TREML4: variants seen among roughly 807,000 people sequenced by gnomAD.
The protein encoded by TREML4 is trem-like transcript 4 protein.
Under a neutral mutation model 25.4 loss-of-function variants are expected in TREML4, and 25 were observed. The observed-to-expected ratio is 0.98, with a 90% CI of 0.72 to 1.37. The LOEUF (loss-of-function observed/expected upper bound fraction) is 1.37, where lower values mean the gene tolerates loss of function less well. Ranked by LOEUF, TREML4 falls within the 40% of genes most tolerant of loss-of-function variation. TREML4 has a pLI of 0.00. For synonymous variants in TREML4, 92 were observed against 87.9 expected (o/e 1.05, Z -0.26); for missense variants, 268 against 236.5 (o/e 1.13, Z -0.87).
chr6:41,231,028 A>G, intron 4 of TREML4: 1 of 366,708 alleles, frequency 2.7e-6, no homozygotes, highest in Non-Finnish European at 5.6e-6. Context: ...CACGCTCCTT[A>G]TGATAATTGA....
intron 4 of TREML4, among the ~76,000 whole-genome samples, chr6:41,235,930 A>G (rs1236228170): frequency 1.3e-5 from 2 of 152,168 alleles, no homozygotes; most frequent in Admixed American, 1.3e-4. Flanking sequence ...CACAAGAGAA[A>G]AGCAGATTTG....
chr6:41,231,028 A>T, intron 4 of TREML4: 1 of 366,708 alleles, frequency 2.7e-6, no homozygotes, highest in South Asian at 2.1e-5. Context: ...CACGCTCCTT[A>T]TGATAATTGA....
intron 4 of TREML4, among the ~76,000 whole-genome samples, chr6:41,232,983 A>T (rs7450812): frequency 0.84 from 128,387 of 152,116 alleles, 54,923 homozygotes; most frequent in East Asian, 0.95. Flanking sequence ...CTAGACAATA[A>T]CAACATGGGG....
intron 4 of TREML4, among the ~76,000 whole-genome samples, chr6:41,230,474 T>C (rs1173175937): frequency 6.6e-6 from 1 of 152,138 alleles, no homozygotes; most frequent in Non-Finnish European, 1.5e-5. Flanking sequence ...TGGCTGGAGA[T>C]GTCAGCCAGA....
At chr6:41,234,448 G>A (rs1210057520) in intron 4 of TREML4, among the ~76,000 whole-genome samples, 2 of 151,798 alleles carry the variant, frequency 1.3e-5, no homozygotes, top group African/African-American at 4.8e-5. Context: ...GATTGAAAAA[G>A]GAGATCAAAG....
At chr6:41,236,373 G>A in intron 4 of TREML4, 113 bp from the exon 5 acceptor site, 3 of 794,210 alleles carry the variant, frequency 3.8e-6, no homozygotes, top group South Asian at 1.6e-5. Context: ...CGTTCAGGGT[G>A]GGCCCTTACG....
chr6:41,234,366 T>TCAAAA (rs1766860366), intron 4 of TREML4, among the ~76,000 whole-genome samples: 1 of 151,954 alleles, frequency 6.6e-6, no homozygotes, highest in Non-Finnish European at 1.5e-5. Context: ...TTCAAATTAA[T>TCAAAA]GAGCTAAGGA....
At chr6:41,236,459 A>T in intron 4 of TREML4, 27 bp from the exon 5 acceptor site, 3 of 1,606,418 alleles carry the variant, frequency 1.9e-6, no homozygotes, top group Non-Finnish European at 2.6e-6. Flanking sequence ...GCCCAAGTCC[A>T]TCCTCCTTTC....
chr6:41,229,164 C>T, intron 2 of TREML4, 120 bp downstream of exon 2: 2 of 864,668 alleles, frequency 2.3e-6, no homozygotes, highest in East Asian at 2.6e-5. Context: ...TGCTGTGGTC[C>T]AAGGGGAGCA....
At chr6:41,229,462 T>C in intron 2 of TREML4, 59 bp from the exon 3 acceptor site, 1 of 1,587,906 alleles carries the variant, frequency 6.3e-7, no homozygotes, top group Non-Finnish European at 8.6e-7. Context: ...ATGTATGGGG[T>C]AGACCCTACT....
chr6:41,230,253 G>A (rs7774170), intron 4 of TREML4, 131 bp downstream of exon 4: 523,681 of 694,290 alleles, frequency 0.75, 200,886 homozygotes, highest in East Asian at 0.87. Flanking sequence ...GGTTACAGCC[G>A]TGGAGCCCCC....
chr6:41,235,723 C>T (rs1341876853), intron 4 of TREML4, among the ~76,000 whole-genome samples: 8 of 151,992 alleles, frequency 5.3e-5, no homozygotes, highest in Admixed American at 5.2e-4. Flanking sequence ...TCAATTTCTC[C>T]CAAATTAAAA....
Position 41,229,098 on chromosome 6 carries a change from G to A in TREML4, c.394+54G>A, listed in dbSNP as rs1407354542. 29 of 1,469,280 alleles carry A rather than the reference G, an allele frequency of 2.0e-5. No homozygotes were observed. In the East Asian group the frequency reaches 5.0e-4, roughly 25 times the overall value. 91.0% of individuals were successfully genotyped at this position (1,469,280 alleles called of 1,614,324 possible). On this transcript the variant is annotated intron_variant, in intron 2 of 5. Coordinates refer to ENST00000341495, the MANE Select transcript of TREML4 (RefSeq NM_198153.3). Reference sequence around the variant, plus strand: ...TGTGCCACCCCCCAGGGACCTGAAGGAAATGTCATGCACCCCCTCCCATGC... The same window carrying A: ...TGTGCCACCCCCCAGGGACCTGAAGAAAATGTCATGCACCCCCTCCCATGC...
Position 41,237,869 on chromosome 6 carries a change from T to A in TREML4, c.*850T>A, listed in dbSNP as rs1292885986. Reference sequence around the variant, plus strand: ...AAGATTCACAGCCTAAAAGAGAAAATCAAGTTGAACTAACAATAAATGATG... The same window carrying A: ...AAGATTCACAGCCTAAAAGAGAAAAACAAGTTGAACTAACAATAAATGATG... On this transcript the variant is annotated 3_prime_UTR_variant, in exon 6 of 6. Transcript: ENST00000341495. The A allele has an allele frequency of 6.6e-6, 1 of 151,990 alleles. No individual in the cohort carries two copies. The highest frequency in any genetic ancestry group is 1.5e-5 in the Non-Finnish European group (1 of 67,992). 9.4% of individuals were successfully genotyped at this position (151,990 alleles called of 1,614,324 possible).
intron 4 of TREML4, 49 bp from the exon 5 acceptor site, chr6:41,236,437 G>A (rs765385503): frequency 6.5e-7 from 1 of 1,534,880 alleles, no homozygotes; most frequent in Non-Finnish European, 9.0e-7. Context: ...CGCAGGAGGT[G>A]GTGACATCCT....
chr6:41,235,094 C>T (rs1195227070), intron 4 of TREML4, among the ~76,000 whole-genome samples: 1 of 151,888 alleles, frequency 6.6e-6, no homozygotes, highest in Non-Finnish European at 1.5e-5. Flanking sequence ...TATAAGTAAA[C>T]CAAATTCATA....
intron 1 of TREML4, 31 bp from the exon 2 acceptor site, chr6:41,228,683 T>C (rs748958092): frequency 6.3e-7 from 1 of 1,595,300 alleles, no homozygotes; most frequent in South Asian, 1.1e-5. Context: ...AGCTCTGACC[T>C]GGGTTTCTTT....
At chr6:41,231,805 T>G (rs555500644) in intron 4 of TREML4, among the ~76,000 whole-genome samples, 1 of 152,268 alleles carries the variant, frequency 6.6e-6, no homozygotes, top group African/African-American at 2.4e-5. Flanking sequence ...TGTACTAATG[T>G]ATGAGTATCA....
chr6:41,232,103 T>C (rs1165013820), intron 4 of TREML4, among the ~76,000 whole-genome samples: 1 of 152,204 alleles, frequency 6.6e-6, no homozygotes, highest in African/African-American at 2.4e-5. Context: ...AATTCAGTAA[T>C]ATTTCTAAAG....
Sources: gnomAD v4.1 joint callset for allele counts (sites outside exome capture counted in the v4.1 genomes callset) on GRCh38, gnomAD v4.1.1 for gene constraint, MANE v1.5 for transcripts, NCBI Gene and HGNC (gene_info 2026-07-23, HGNC 2026-07-21) for gene names.